The following PCSK6 variants were observed in gnomAD, a reference collection of about 807,000 sequenced individuals.
PCSK6 encodes proprotein convertase subtilisin/kexin type 6.
A neutral mutation model predicts 123.3 loss-of-function variants in PCSK6; 85 were observed. The observed-to-expected ratio is 0.69, with a 90% CI of 0.58 to 0.83. PCSK6 has a LOEUF of 0.83. Among genes scored for constraint, PCSK6 ranks in the 40% least tolerant of loss-of-function variants. The probability of loss-of-function intolerance (pLI) is 0.00; values close to 1 mark genes in which losing one functional copy is unlikely to be tolerated. For synonymous variants in PCSK6, 508 were observed against 516.0 expected (o/e 0.98, Z 0.21); for missense variants, 1,191 against 1,282.3 (o/e 0.93, Z 1.09).
chr15:101,436,382 C>T (rs961010881), intron 2 of PCSK6, among the ~76,000 whole-genome samples: 5 of 152,216 alleles, frequency 3.3e-5, no homozygotes, highest in African/African-American at 1.2e-4. Flanking sequence ...CAGGTTCACA[C>T]AGGTTCTGCA....
chr15:101,431,168 C>T (rs1265176182), intron 4 of PCSK6, among the ~76,000 whole-genome samples, 152 bp downstream of exon 4: 1 of 152,224 alleles, frequency 6.6e-6, no homozygotes, highest in East Asian at 1.9e-4. Flanking sequence ...GCAGAATATT[C>T]ATCTTCCTAA....
chr15:101,460,440 C>T (rs2057315376), intron 1 of PCSK6, among the ~76,000 whole-genome samples: 2 of 152,168 alleles, frequency 1.3e-5, no homozygotes, highest in Admixed American at 6.5e-5. Context: ...CCTGCTCCTC[C>T]TACATAAGCT....
intron 15 of PCSK6, 121 bp from the exon 16 acceptor site, chr15:101,326,600 GCT>G: frequency 1.1e-6 from 1 of 935,090 alleles, no homozygotes; most frequent in Non-Finnish European, 1.6e-6. Flanking sequence ...CCCAGGCCCC[GCT>G]GGGGCTGGAC....
chr15:101,412,895 G>A (rs572466584), intron 6 of PCSK6, among the ~76,000 whole-genome samples: 28 of 151,712 alleles, frequency 1.8e-4, no homozygotes, highest in African/African-American at 6.3e-4. Context: ...GGCCAAGGCC[G>A]GAGGATTGCT....
intron 1 of PCSK6, among the ~76,000 whole-genome samples, chr15:101,489,169 C>CA (rs2058096430): frequency 7.7e-6 from 1 of 129,880 alleles, no homozygotes; most frequent in Admixed American, 7.3e-5. Context: ...TCCCCCCCAC[C>CA]CCGCCGAGTG....
In PCSK6 at chr15:101,370,534, A is replaced by T; in HGVS notation, c.1533-11T>A. 6.9e-7 allele frequency: 1 copy of T among 1,456,686 alleles called. No individual in the cohort carries two copies. Among genetic ancestry groups the T allele is most frequent in the African/African-American group, 1.4e-5 (1 of 70,290 alleles). The allele number at this position is 1,456,686 out of a possible 1,614,324, so 90.2% of individuals were successfully genotyped here. A position where few individuals can be genotyped will look rare whatever the true frequency, so the allele number is the denominator to read the frequency against. The stretch of plus-strand genomic sequence containing the variant: ...ACTAAGGGGATGCTCCTGGGGGAGA[A>T]GGGAGGGCTCAGCACTTGGCACCGG... On this transcript the variant is annotated splice_polypyrimidine_tract_variant and intron_variant, in intron 11 of 21. Transcript: ENST00000611716.
At chr15:101,388,860 A>G (rs2042146707) in intron 9 of PCSK6, among the ~76,000 whole-genome samples, 1 of 152,176 alleles carries the variant, frequency 6.6e-6, no homozygotes, top group Non-Finnish European at 1.5e-5. Flanking sequence ...ATTCATAGAG[A>G]CAGAAAGTAG....
At chr15:101,460,824 G>T (rs2057324617) in intron 1 of PCSK6, among the ~76,000 whole-genome samples, 1 of 152,062 alleles carries the variant, frequency 6.6e-6, no homozygotes, top group Admixed American at 6.6e-5. Context: ...TCATAATTGG[G>T]ATAAAAAAAT....
intron 13 of PCSK6, among the ~76,000 whole-genome samples, chr15:101,344,545 T>G (rs1429022550): frequency 1.3e-5 from 2 of 152,220 alleles, no homozygotes; most frequent in East Asian, 3.9e-4. Flanking sequence ...AGTTTCCCCT[T>G]GGCTGAACTC....
intron 6 of PCSK6, among the ~76,000 whole-genome samples, chr15:101,403,628 C>T (rs1448095092): frequency 6.6e-6 from 1 of 152,176 alleles, no homozygotes; most frequent in Non-Finnish European, 1.5e-5. Context: ...CCACTGGGGG[C>T]CTCTACTTCT....
At chr15:101,364,837 A>T (rs2041340876) in intron 13 of PCSK6, 1 of 556,286 alleles carries the variant, frequency 1.8e-6, no homozygotes, top group Non-Finnish European at 3.4e-6. Context: ...CACGGGACCC[A>T]AAATAGCCAA....
chr15:101,489,590 CGCGCCCGCG>C lies in PCSK6; in HGVS notation c.72_80del (p.Ala25_Ala27del), dbSNP rs2058124191. On this transcript the variant is annotated inframe_deletion, in exon 1 of 22. Transcript: ENST00000611716. ...CGCCCCCCGCGCCCCCCGCGCCCCCCGCGCCCGCGGCGGTGTCGGTGGCGGCGGCGGCCC... is the reference window on the plus strand; with the variant it reads ...CGCCCCCCGCGCCCCCCGCGCCCCCCGCGGTGTCGGTGGCGGCGGCGGCCC... 5.2e-6 allele frequency: 5 copies of C among 961,824 alleles called. No individual in the cohort carries two copies. Among genetic ancestry groups the C allele is most frequent in the South Asian group, 4.7e-5 (1 of 21,142 alleles). The allele number at this position is 961,824 out of a possible 1,614,324, so 59.6% of individuals were successfully genotyped here.
chr15:101,313,090 G>A, intron 20 of PCSK6: 4 of 1,354,262 alleles, frequency 3.0e-6, no homozygotes, highest in Non-Finnish European at 3.9e-6. Context: ...CATGGGCAGG[G>A]ACGTCCCGCG....
At chr15:101,401,462 G>C (rs770294347) in intron 6 of PCSK6, among the ~76,000 whole-genome samples, 80 of 152,352 alleles carry the variant, frequency 5.3e-4, no homozygotes, top group Non-Finnish European at 6.6e-4. Context: ...CACAAGGCAA[G>C]TGGACTTAGA....
intron 11 of PCSK6, among the ~76,000 whole-genome samples, chr15:101,377,628 T>C (rs997202889): frequency 1.3e-5 from 2 of 152,248 alleles, no homozygotes; most frequent in Non-Finnish European, 2.9e-5. Context: ...CACAGCCATA[T>C]GTCTTCATAA....
chr15:101,389,816 A>C (rs1596275381), intron 8 of PCSK6, among the ~76,000 whole-genome samples: 2 of 152,192 alleles, frequency 1.3e-5, no homozygotes, highest in Admixed American at 1.3e-4. Flanking sequence ...GTACGCTTTG[A>C]TAATAATAGA....
intron 1 of PCSK6, among the ~76,000 whole-genome samples, chr15:101,456,754 G>A (rs1032611093): frequency 6.6e-6 from 1 of 152,198 alleles, no homozygotes; most frequent in African/African-American, 2.4e-5. Flanking sequence ...CGTCTTTCGA[G>A]GCAAGATGGA....
At chr15:101,354,027 G>A (rs763953286) in intron 13 of PCSK6, among the ~76,000 whole-genome samples, 1 of 152,344 alleles carries the variant, frequency 6.6e-6, no homozygotes, top group Non-Finnish European at 1.5e-5. Context: ...ACAGGTTGGA[G>A]GCTCGGAGCA....
intron 1 of PCSK6, among the ~76,000 whole-genome samples, chr15:101,481,899 A>C (rs559851534): frequency 2.9e-4 from 44 of 152,060 alleles, no homozygotes; most frequent in African/African-American, 1.0e-3. Flanking sequence ...CAATAGAGAG[A>C]GGTGTGAGTG....
Sources: gnomAD v4.1 joint callset for allele counts (sites outside exome capture counted in the v4.1 genomes callset) on GRCh38, gnomAD v4.1.1 for gene constraint, MANE v1.5 for transcripts, NCBI Gene and HGNC (gene_info 2026-07-23, HGNC 2026-07-21) for gene names.